TG: variants seen among roughly 807,000 people sequenced by gnomAD.
The protein encoded by TG is thyroid hormones.
Under a neutral mutation model 324.7 loss-of-function variants are expected in TG, and 270 were observed. That is an observed-to-expected ratio of 0.83 (90% CI 0.75 to 0.92). The LOEUF (loss-of-function observed/expected upper bound fraction) is 0.92, where lower values mean the gene tolerates loss of function less well. Among genes scored for constraint, TG ranks in the 40% least tolerant of loss-of-function variants. The probability of loss-of-function intolerance (pLI) is 0.00; values close to 1 mark genes in which losing one functional copy is unlikely to be tolerated. For missense variants in TG, 3,591 were observed against 3,456.4 expected, an observed-to-expected ratio of 1.04 and a Z score of -0.98; for synonymous variants, 1,401 against 1,327.0, an observed-to-expected ratio of 1.06 and a Z score of -1.21.
chr8:132,942,534 C>G (rs1189716140), intron 26 of TG, among the ~76,000 whole-genome samples: 2 of 152,072 alleles, frequency 1.3e-5, no homozygotes, highest in Admixed American at 6.5e-5. Context: ...AATTGATCAC[C>G]ATATATGTGC....
chr8:132,979,903 A>G (rs537115592), intron 34 of TG, among the ~76,000 whole-genome samples: 13 of 152,312 alleles, frequency 8.5e-5, no homozygotes, highest in Non-Finnish European at 1.5e-4. Context: ...ACCAATCACA[A>G]GCCCTGAGCC....
intron 43 of TG, among the ~76,000 whole-genome samples, chr8:133,104,845 T>A (rs142877390): frequency 1.6e-4 from 24 of 152,274 alleles, no homozygotes; most frequent in Non-Finnish European, 2.8e-4. Flanking sequence ...CTCCACTGGA[T>A]GCAAACGGCC....
intron 16 of TG, among the ~76,000 whole-genome samples, chr8:132,905,404 A>G (rs1818534278): frequency 6.6e-6 from 1 of 152,226 alleles, no homozygotes; most frequent in South Asian, 2.1e-4. Flanking sequence ...ATCACAAAAA[A>G]GACCAGGTTT....
intron 16 of TG, among the ~76,000 whole-genome samples, chr8:132,906,234 G>A (rs2132327533): frequency 6.6e-6 from 1 of 152,210 alleles, no homozygotes; most frequent in East Asian, 1.9e-4. Context: ...CCAAGACAGA[G>A]GAGATGAACC....
Position 132,879,967 on chromosome 8 carries a change from T to C in TG, c.639-1896T>C, listed in dbSNP as rs575106939. Among the ~76,000 whole-genome samples the C allele has an allele frequency of 3.9e-5, 6 of 152,328 alleles. No individual in the cohort carries two copies. The East Asian group carries it at 1.2e-3, about 29-fold the overall frequency. ...ATGGAACTAGAGTGATTTAAACGATTTAAACTTGTGCCTCACGCTGGAATG... is the reference window on the plus strand; with the variant it reads ...ATGGAACTAGAGTGATTTAAACGATCTAAACTTGTGCCTCACGCTGGAATG... On this transcript the variant is annotated intron_variant, in intron 5 of 47. Transcript: ENST00000220616.
chr8:132,898,169 G>A lies in TG; in HGVS notation c.3140G>A (p.Gly1047Glu), dbSNP rs1326153199. ...WEPVQCHAGT[G>E]HCWCVDEKGG... ...TGTTCTCCCCTTGGCTCTTTTCCAG[G>A]GCACTGCTGGTGTGTAGATGAGAAA... Residue 1047 changes from glycine to glutamate, a missense_variant and splice_region_variant, in exon 13 of 48, where the codon GGG (glycine) becomes GAG (glutamate). Coordinates refer to ENST00000220616, the MANE Select transcript of TG (RefSeq NM_003235.5). The A allele has an allele frequency of 6.3e-7, 1 of 1,599,838 alleles. No individual in the cohort carries two copies. Among genetic ancestry groups the A allele is most frequent in the Admixed American group, 1.7e-5 (1 of 58,502 alleles).
Position 133,017,866 on chromosome 8 carries a change from G to C in TG, c.6651G>C (p.Gln2217His). The change falls in exon 38 of 48, where the codon CAG (glutamine) becomes CAC (histidine). Residue 2217 changes from glutamine to histidine, a missense_variant. By Grantham distance (24) the Gln-to-His change is conservative (BLOSUM62 0). Coordinates refer to ENST00000220616, the MANE Select transcript of TG (RefSeq NM_003235.5). ...TGCTGGGCAGGTCCCAGGCCATCCAGGTGGGTACCTCATGGAAGCAAGTGG... is the reference window on the plus strand; with the variant it reads ...TGCTGGGCAGGTCCCAGGCCATCCACGTGGGTACCTCATGGAAGCAAGTGG... ...GRLLGRSQAI[Q>H]VGTSWKQVDQ... 1 of 1,614,188 alleles carries C rather than the reference G, an allele frequency of 6.2e-7. No individual in the cohort carries two copies. The highest frequency in any genetic ancestry group is 1.1e-5 in the South Asian group (1 of 91,088).
chr8:132,882,796 T>C lies in TG; in HGVS notation c.890-18T>C, dbSNP rs1438243491. On this transcript the variant is annotated intron_variant, in intron 7 of 47. Coordinates refer to ENST00000220616, the MANE Select transcript of TG (RefSeq NM_003235.5). ...GCATTGTTGACACTGTCTTCTTTAC[T>C]GTGTGGATTTCCTCTAGGCCCCACA... 3.7e-6 allele frequency: 6 copies of C among 1,614,082 alleles called. No individual in the cohort carries two copies. In the Admixed American group the frequency reaches 1.0e-4, roughly 27 times the overall value.
chr8:132,961,034 G>T lies in TG; in HGVS notation c.5428G>T (p.Asp1810Tyr). 1.2e-6 allele frequency: 2 copies of T among 1,614,054 alleles called. No homozygotes were observed. The highest frequency in any genetic ancestry group is 8.5e-7 in the Non-Finnish European group (1 of 1,179,958). ...TCTGACACCCTTAGAAGGAACTCAA[G>T]ACACCTTTACCAATTTTCAGCAGGT... ...KSLTPLEGTQDTFTNFQQVYL... is the reference protein window; with the variant it reads ...KSLTPLEGTQYTFTNFQQVYL... The change falls in exon 28 of 48, where the codon GAC becomes TAC. Residue 1810 changes from aspartate (D) to tyrosine (Y), a missense_variant. Physicochemically the swap from Asp to Tyr is radical, Grantham distance 160 (BLOSUM62 -3). Coordinates refer to ENST00000220616, the MANE Select transcript of TG (RefSeq NM_003235.5).
chr8:132,970,260 T>C (rs1481303636), intron 32 of TG, among the ~76,000 whole-genome samples: 1 of 152,126 alleles, frequency 6.6e-6, no homozygotes, highest in Non-Finnish European at 1.5e-5. Context: ...TAGTCATTAT[T>C]TAGTTGTTTT....
chr8:133,044,026 T>C (rs1838819837), intron 41 of TG, among the ~76,000 whole-genome samples: 1 of 152,140 alleles, frequency 6.6e-6, no homozygotes, highest in African/African-American at 2.4e-5. Flanking sequence ...ACTCTGTGGA[T>C]CCTCACGGTG....
At chr8:132,968,986 C>T (rs549802165) in intron 31 of TG, among the ~76,000 whole-genome samples, 41 of 152,108 alleles carry the variant, frequency 2.7e-4, no homozygotes, top group Non-Finnish European at 5.1e-4. Context: ...TATCTTCTTC[C>T]GTGGTGGGGA....
At chr8:133,091,672 G>A (rs1395235876) in intron 41 of TG, among the ~76,000 whole-genome samples, 5 of 152,036 alleles carry the variant, frequency 3.3e-5, no homozygotes, top group African/African-American at 2.4e-5. Context: ...CTGTGCGTGT[G>A]TGTCTCTGTG....
At chr8:133,121,030 A>G (rs1851100644) in intron 45 of TG, among the ~76,000 whole-genome samples, 1 of 152,140 alleles carries the variant, frequency 6.6e-6, no homozygotes, top group African/African-American at 2.4e-5. Context: ...GCGGCAACCC[A>G]GGGAACCTCC....
intron 41 of TG, chr8:133,050,180 G>T (rs1299878387): frequency 1.7e-6 from 1 of 584,422 alleles, no homozygotes; most frequent in East Asian, 2.8e-5. Context: ...CCAGTGGATA[G>T]CCCTCCATTG....
intron 26 of TG, among the ~76,000 whole-genome samples, chr8:132,947,530 C>G (rs1222636068): frequency 6.6e-6 from 1 of 152,094 alleles, no homozygotes; most frequent in East Asian, 1.9e-4. Flanking sequence ...GTCACCTACT[C>G]TGGGGAAATT....
At chr8:133,011,328 A>G (rs28654406) in intron 35 of TG, among the ~76,000 whole-genome samples, 78,802 of 151,644 alleles carry the variant, frequency 0.52, 21,808 homozygotes, top group African/African-American at 0.7. Flanking sequence ...GACAATTCCT[A>G]GAGAGAGACT....
At chr8:132,937,931 T>A (rs890266029) in intron 25 of TG, among the ~76,000 whole-genome samples, 1 of 152,168 alleles carries the variant, frequency 6.6e-6, no homozygotes, top group Non-Finnish European at 1.5e-5. Flanking sequence ...TTTTGGTTTG[T>A]TTTCCTTTTT....
At chr8:132,885,095 A>C (rs1291061980) in intron 8 of TG, among the ~76,000 whole-genome samples, 1 of 147,936 alleles carries the variant, frequency 6.8e-6, no homozygotes, top group Non-Finnish European at 1.5e-5. Context: ...TTTGGCATTT[A>C]TGTGAATCAA....
Sources: allele counts gnomAD v4.1 joint callset (sites outside exome capture counted in the v4.1 genomes callset), GRCh38; gene constraint gnomAD v4.1.1; transcripts MANE v1.5; gene names NCBI Gene and HGNC (gene_info 2026-07-23, HGNC 2026-07-21).